Variants in TRPM5 observed in about 807,000 individuals in gnomAD.
TRPM5 encodes MLSN1 and TRP-related.
A neutral mutation model predicts 124.9 loss-of-function variants in TRPM5; 121 were observed. That is an observed-to-expected ratio of 0.97 (90% CI 0.84 to 1.13). The LOEUF is 1.13. Among genes scored for constraint, TRPM5 ranks in the 50% most tolerant of loss-of-function variants. The pLI is 0.00. For synonymous variants in TRPM5, 781 were observed against 700.5 expected, an observed-to-expected ratio of 1.11 and a Z score of -1.81; for missense variants, 1,643 against 1,589.1, an observed-to-expected ratio of 1.03 and a Z score of -0.58.
upstream of TRPM5, among the ~76,000 whole-genome samples, chr11:2,426,030 A>T (rs1207382428): frequency 6.6e-6 from 1 of 152,146 alleles, no homozygotes; most frequent in African/African-American, 2.4e-5. Flanking sequence ...GGGATAGGAC[A>T]TCCGGGAGTA....
intron 8 of TRPM5, 112 bp from the exon 14 acceptor site, chr11:2,415,583 C>T: frequency 1.3e-6 from 1 of 748,698 alleles, no homozygotes; most frequent in Middle Eastern, 3.0e-4. Flanking sequence ...TCCCCAGGGC[C>T]AGGTCACGCA....
intron 10 of TRPM5, 26 bp from the exon 16 acceptor site, chr11:2,414,864 G>T: frequency 6.3e-7 from 1 of 1,590,512 alleles, no homozygotes. Flanking sequence ...TCAGGAGGCC[G>T]CCCCTCCCCT....
chr11:2,425,617 G>GCCCTGGGTGGGAGTCCTCA (rs1845834270), upstream of TRPM5, among the ~76,000 whole-genome samples: 1 of 55,052 alleles, frequency 1.8e-5, no homozygotes, highest in Non-Finnish European at 3.6e-5. Flanking sequence ...TGTGCTTGTA[G>GCCCTGGGTGGGAGTCCTCA]CCCTGGGCGG....
At chr11:2,429,001 ATGG>A in the TRPM5 span, among the ~76,000 whole-genome samples, 6 of 147,418 alleles carry the variant, frequency 4.1e-5, no homozygotes, top group Non-Finnish European at 9.0e-5. This position sits in a 1 kb window ranked among gnomAD's most constrained non-coding sequence, Gnocchi z 8.4. Flanking sequence ...AGTGGAGGGG[ATGG>A]TGGTGGTGAT....
At chr11:2,417,865 C>T (rs1157343385) in intron 6 of TRPM5, 36 bp from the exon 12 acceptor site, 2 of 1,541,196 alleles carry the variant, frequency 1.3e-6, no homozygotes, top group East Asian at 2.4e-5. Flanking sequence ...GGGGCCGCCT[C>T]AGCCAGGACG....
intron 7 of TRPM5, among the ~76,000 whole-genome samples, chr11:2,416,718 G>A (rs542149083): frequency 1.3e-5 from 2 of 152,184 alleles, no homozygotes; most frequent in African/African-American, 4.8e-5. Context: ...TCCCCTCAAG[G>A]TGTCCCCAGC....
chr11:2,439,678 A>G, the TRPM5 span, among the ~76,000 whole-genome samples: 1 of 152,226 alleles, frequency 6.6e-6, no homozygotes, highest in Non-Finnish European at 1.5e-5. Flanking sequence ...AAAAAACAAT[A>G]CATGCTGGCA....
At chr11:2,413,761 C>T (rs773417993) in intron 12 of TRPM5, among the ~76,000 whole-genome samples, 173 bp from the exon 18 acceptor site, 6 of 152,228 alleles carry the variant, frequency 3.9e-5, no homozygotes, top group Non-Finnish European at 8.8e-5. Flanking sequence ...TTGGGCCACT[C>T]ATCCCAGGGG....
At chr11:2,413,262 G>A in intron 13 of TRPM5, 36 bp from the exon 19 acceptor site, 1 of 1,495,512 alleles carries the variant, frequency 6.7e-7, no homozygotes, top group Non-Finnish European at 8.9e-7. Context: ...CCGCAGGAAG[G>A]GCTCCCAGAG....
the TRPM5 span, among the ~76,000 whole-genome samples, chr11:2,433,377 C>T: frequency 0.012 from 1,803 of 152,364 alleles, 37 homozygotes; most frequent in African/African-American, 0.042. Flanking sequence ...TCTTAGTGTG[C>T]GCAAGGGCTG....
chr11:2,406,535 C>T (rs1850326360), intron 21 of TRPM5, 126 bp downstream of exon 26: 10 of 1,330,136 alleles, frequency 7.5e-6, no homozygotes, highest in Middle Eastern at 1.9e-4. Context: ...TGGGCTCGGC[C>T]AGAGCCCTGC....
chr11:2,405,131 C>A, intron 23 of TRPM5, 88 bp from the exon 29 acceptor site: 1 of 1,140,458 alleles, frequency 8.8e-7, no homozygotes, highest in Non-Finnish European at 1.3e-6. Flanking sequence ...AGGCAAGGGC[C>A]AGGACGCCGT....
chr11:2,440,802 T>A, the TRPM5 span, among the ~76,000 whole-genome samples: 12 of 152,340 alleles, frequency 7.9e-5, no homozygotes, highest in Admixed American at 4.6e-4. The surrounding 1 kb of genome is among the most constrained non-coding windows in gnomAD (Gnocchi z 5.2). Context: ...TGAAGGAGGA[T>A]GTTGGCCAGG....
rs371790871 is a variant in TRPM5 at position 2,415,223 on chromosome 11, C to T, written c.1377G>A (p.Pro459=). Residue 459 remains proline (P), a synonymous_variant, in exon 9 of 24, where the codon CCG becomes CCA. Transcript: ENST00000155858. ...GGGAGACCTCGTGCAGGGAGAAGGC[C>T]GGTGGCCCCGCGGGTGGCTCCCGGG... The T allele has an allele frequency of 1.3e-4, 206 of 1,575,792 alleles. No homozygotes were observed. The African/African-American group carries it at 2.4e-3, about 18-fold the overall frequency.
chr11:2,416,067 G>A (rs960481926), intron 7 of TRPM5, 43 bp from the exon 13 acceptor site: 2 of 1,467,252 alleles, frequency 1.4e-6, no homozygotes, highest in African/African-American at 1.4e-5. Context: ...TGGAGCTGAG[G>A]GCCTCACAGA....
At chr11:2,434,054 G>A in the TRPM5 span, among the ~76,000 whole-genome samples, 1 of 151,880 alleles carries the variant, frequency 6.6e-6, no homozygotes, top group African/African-American at 2.4e-5. Flanking sequence ...GACGCAGTGT[G>A]CGCGTGCATG....
In TRPM5 at chr11:2,408,692, C is replaced by T. The variant is rs543420860; in HGVS notation, c.2783-780G>A. ...CTCAACCCTGGACCCTCACCCCACC[C>T]CAGCCTGCGGGGCAGGAGGAGGGAG... On this transcript the variant is annotated intron_variant, in intron 18 of 23. Coordinates refer to ENST00000155858, the Ensembl canonical transcript of TRPM5. 7.9e-5 allele frequency among the ~76,000 whole-genome samples: 12 copies of T among 152,360 alleles called. No individual in the cohort carries two copies. In the South Asian group the frequency reaches 1.2e-3, roughly 16 times the overall value.
intron 3 of TRPM5, among the ~76,000 whole-genome samples, 193 bp downstream of exon 8, chr11:2,420,838 GC>G (rs2133533115): frequency 6.6e-6 from 1 of 152,304 alleles, no homozygotes; most frequent in Non-Finnish European, 1.5e-5. Context: ...GGGGGTGAGG[GC>G]CCGCGCCACA....
chr11:2,415,147 C>G, exon 9 of TRPM5: 1 of 1,572,842 alleles, frequency 6.4e-7, no homozygotes, highest in Admixed American at 1.8e-5. Context: ...CCTGGCCGGC[C>G]GTCCTGGTAG....
Sources: gnomAD v4.1 joint callset for allele counts (sites outside exome capture counted in the v4.1 genomes callset) on GRCh38, gnomAD v4.1.1 for gene constraint, Gnocchi (gnomAD v3.1) non-coding constraint, MANE v1.5 for transcripts, NCBI Gene and HGNC (gene_info 2026-07-23, HGNC 2026-07-21) for gene names.